Variants in DCTD observed in about 807,000 individuals in gnomAD.
DCTD encodes the protein dCMP deaminase, also known as deoxycytidylate deaminase.
In DCTD, 23 loss-of-function variants were observed where a neutral mutation model predicts 21.0. That is an observed-to-expected ratio of 1.09 (90% CI 0.79 to 1.55). DCTD has a LOEUF of 1.55. Ranked by LOEUF, DCTD falls within the 40% of genes most tolerant of loss-of-function variation. DCTD has a pLI of 0.00. For synonymous variants in DCTD, 71 were observed against 81.1 expected (o/e 0.88, Z 0.67); for missense variants, 224 against 230.0 (o/e 0.97, Z 0.17).
At chr4:182,893,999 G>A (rs778815672) in intron 4 of DCTD, among the ~76,000 whole-genome samples, 25 of 152,230 alleles carry the variant, frequency 1.6e-4, no homozygotes, top group Non-Finnish European at 2.9e-4. Flanking sequence ...GTAGATTTAT[G>A]GGAACCGTAA....
intron 3 of DCTD, 124 bp from the exon 4 acceptor site, chr4:182,894,729 T>A: frequency 1.4e-6 from 1 of 713,086 alleles, no homozygotes; most frequent in East Asian, 2.5e-5. Flanking sequence ...AAAACATTGA[T>A]TAGAAATGGC....
intron 3 of DCTD, among the ~76,000 whole-genome samples, chr4:182,901,488 G>A (rs1169503676): frequency 2.0e-5 from 3 of 152,190 alleles, no homozygotes; most frequent in Non-Finnish European, 1.5e-5. Context: ...CTGGTGTGGT[G>A]GCTCCCGCTA....
In DCTD at chr4:182,891,254, G is replaced by A. The variant is rs2152853041; in HGVS notation, c.*145C>T. The stretch of plus-strand genomic sequence containing the variant: ...TCCATGTGACAAGAGAGACAGTAAG[G>A]AAGATTTGAGGCTTTATATTCTTTA... On this transcript the variant is annotated 3_prime_UTR_variant, in exon 6 of 6. Coordinates refer to ENST00000438320, the MANE Select transcript of DCTD (RefSeq NM_001921.3). The A allele has an allele frequency of 3.0e-6, 2 of 664,402 alleles. No individual in the cohort carries two copies. The highest frequency in any genetic ancestry group is 2.7e-6 in the Non-Finnish European group (1 of 369,922). 41.2% of individuals were successfully genotyped at this position (664,402 alleles called of 1,614,324 possible). A position where few individuals can be genotyped will look rare whatever the true frequency, so the allele number is the denominator to read the frequency against.
chr4:182,902,661 T>C (rs561274177), intron 3 of DCTD, among the ~76,000 whole-genome samples: 6 of 152,360 alleles, frequency 3.9e-5, no homozygotes, highest in Admixed American at 3.3e-4. Flanking sequence ...ACTTTCGCAG[T>C]TTCCCAGGTA....
At chr4:182,894,432 G>T in intron 4 of DCTD, 57 bp downstream of exon 4, 1 of 976,726 alleles carries the variant, frequency 1.0e-6, no homozygotes, top group Non-Finnish European at 1.7e-6. Flanking sequence ...TCAGCAATGA[G>T]CTACTGACGA....
At chr4:182,907,348 G>A (rs1311575245) in intron 3 of DCTD, among the ~76,000 whole-genome samples, 1 of 152,182 alleles carries the variant, frequency 6.6e-6, no homozygotes, top group East Asian at 1.9e-4. Context: ...ATGTTGCCCA[G>A]GCTGGTCTTG....
At chr4:182,917,464 G>A (rs1218493505), upstream of DCTD, 1 of 443,060 alleles carries the variant, frequency 2.3e-6, no homozygotes, top group African/African-American at 2.2e-5. This position sits in a 1 kb window ranked among gnomAD's most constrained non-coding sequence, Gnocchi z 4.9. Flanking sequence ...CTGGCCCCGG[G>A]GGCCCGAAGC....
intron 3 of DCTD, among the ~76,000 whole-genome samples, chr4:182,912,656 A>G (rs1333299373): frequency 6.6e-6 from 1 of 152,236 alleles, no homozygotes; most frequent in Non-Finnish European, 1.5e-5. Context: ...ACTCTCCTCA[A>G]TTTGGACAAA....
chr4:182,900,717 A>G (rs993001954), intron 3 of DCTD, among the ~76,000 whole-genome samples: 8 of 152,250 alleles, frequency 5.3e-5, no homozygotes, highest in Non-Finnish European at 1.5e-5. Context: ...AAAGAGTGAC[A>G]CACAACCCTC....
In DCTD at chr4:182,917,315, C is replaced by T; in HGVS notation, c.-12G>A. On this transcript the variant is annotated 5_prime_UTR_variant, in exon 1 of 6. Coordinates refer to ENST00000438320, the MANE Select transcript of DCTD (RefSeq NM_001921.3). The surrounding 1 kb of genome is among the most constrained non-coding windows in gnomAD (Gnocchi z 4.9). ...GCACGGCTGGCCCCCGCCCACCATC[C>T]GGTGCCGGCTCCGCGCGCAGGCCGG... is the stretch of plus-strand genomic sequence containing the variant. 1 of 1,090,134 alleles carries T rather than the reference C, an allele frequency of 9.2e-7. No individual in the cohort carries two copies. The highest frequency in any genetic ancestry group is 1.1e-6 in the Non-Finnish European group (1 of 898,686). 67.5% of individuals were successfully genotyped at this position (1,090,134 alleles called of 1,614,324 possible). A position where few individuals can be genotyped will look rare whatever the true frequency, so the allele number is the denominator to read the frequency against.
At chr4:182,905,443 C>T (rs1343107747) in intron 3 of DCTD, among the ~76,000 whole-genome samples, 1 of 151,688 alleles carries the variant, frequency 6.6e-6, no homozygotes, top group Non-Finnish European at 1.5e-5. Context: ...ATTCTCCTGC[C>T]TCAGCCTCCC....
chr4:182,891,653 A>G (rs1046195856), intron 5 of DCTD, among the ~76,000 whole-genome samples, 176 bp from the exon 6 acceptor site: 1 of 152,178 alleles, frequency 6.6e-6, no homozygotes, highest in African/African-American at 2.4e-5. Context: ...CAGAGCAGAA[A>G]AGACTAAGAC....
intron 1 of DCTD, among the ~76,000 whole-genome samples, chr4:182,916,106 A>G (rs969295351): frequency 1.3e-5 from 2 of 152,158 alleles, no homozygotes; most frequent in Admixed American, 6.5e-5. Context: ...GACGGATTCA[A>G]AGAAAACATC....
chr4:182,893,037 G>A lies in DCTD; in HGVS notation c.452C>T (p.Thr151Ile). ...CCGCATTCTCCCCACTTACCGGAAT[G>A]TCACCCCGGCCATATTAAACAGGAG... ...ARLLFNMAGVTFRKFIPKCSK... is the reference protein window; with the variant it reads ...ARLLFNMAGVIFRKFIPKCSK... Residue 151 changes from threonine to isoleucine, a missense_variant, in exon 5 of 6, where the codon ACA (threonine) becomes ATA (isoleucine). Transcript: ENST00000438320. 1.2e-6 allele frequency: 2 copies of A among 1,602,768 alleles called. No individual in the cohort carries two copies. Among genetic ancestry groups the A allele is most frequent in the South Asian group, 2.2e-5 (2 of 90,668 alleles).
At chr4:182,917,466 G>T, upstream of DCTD, 1 of 214,674 alleles carries the variant, frequency 4.7e-6, no homozygotes, top group Non-Finnish European at 7.7e-6. The surrounding 1 kb of genome is among the most constrained non-coding windows in gnomAD (Gnocchi z 4.9). Context: ...GGCCCCGGGG[G>T]CCCGAAGCCC....
chr4:182,906,974 A>G (rs1458584966), intron 3 of DCTD, among the ~76,000 whole-genome samples: 1 of 152,236 alleles, frequency 6.6e-6, no homozygotes, highest in East Asian at 1.9e-4. Flanking sequence ...CCCAATGTCA[A>G]GCAAGTATCT....
At chr4:182,908,355 G>C in intron 3 of DCTD, among the ~76,000 whole-genome samples, 1 of 152,140 alleles carries the variant, frequency 6.6e-6, no homozygotes, top group East Asian at 1.9e-4. Context: ...AGCAATCCCT[G>C]TGTTTCTAAG....
At chr4:182,898,395 T>C (rs890468867) in intron 3 of DCTD, among the ~76,000 whole-genome samples, 7 of 152,238 alleles carry the variant, frequency 4.6e-5, no homozygotes, top group Non-Finnish European at 1.0e-4. Context: ...AGCGCTCTTG[T>C]AATTTGCAGG....
intron 1 of DCTD, chr4:182,916,638 G>T: frequency 1.0e-6 from 1 of 1,002,408 alleles, no homozygotes; most frequent in Non-Finnish European, 1.2e-6. Context: ...CCCCTAACAG[G>T]AAAAGACAGG....
Sources: gnomAD v4.1 joint callset for allele counts (sites outside exome capture counted in the v4.1 genomes callset) on GRCh38, gnomAD v4.1.1 for gene constraint, Gnocchi (gnomAD v3.1) non-coding constraint, MANE v1.5 for transcripts, NCBI Gene and HGNC (gene_info 2026-07-23, HGNC 2026-07-21) for gene names.